The following RGS6 variants were observed in gnomAD, a reference collection of about 807,000 sequenced individuals.
RGS6 encodes regulator of G protein signaling 6.
Under a neutral mutation model 78.5 loss-of-function variants are expected in RGS6, and 30 were observed. The observed-to-expected ratio is 0.38, with a 90% confidence interval of 0.29 to 0.52. The LOEUF (loss-of-function observed/expected upper bound fraction) is 0.52. Among genes scored for constraint, RGS6 ranks in the 20% least tolerant of loss-of-function variants. RGS6 has a pLI of 0.85. For synonymous variants in RGS6, 206 were observed against 206.0 expected (o/e 1.00, Z 0.00); for missense variants, 495 against 609.7 (o/e 0.81, Z 1.98).
At chr14:72,138,707 C>G (rs2096490527) in intron 2 of RGS6, among the ~76,000 whole-genome samples, 1 of 152,022 alleles carries the variant, frequency 6.6e-6, no homozygotes, top group Admixed American at 6.6e-5. Context: ...CCTATCAGAT[C>G]AGCAGCAGCA....
chr14:72,473,991 A>G (rs1868614921), intron 9 of RGS6: 1 of 152,260 alleles, frequency 6.6e-6, no homozygotes, highest in South Asian at 2.1e-4. Context: ...TTGGCACTAA[A>G]TTAGCCCTAA....
At chr14:72,352,229 A>G in intron 3 of RGS6, 35 bp downstream of exon 3, 1 of 1,511,262 alleles carries the variant, frequency 6.6e-7, no homozygotes, top group East Asian at 2.3e-5. Context: ...GGTAACAGTC[A>G]GAACTACCAA....
intron 4 of RGS6, among the ~76,000 whole-genome samples, chr14:72,456,854 G>T (rs1015084833): frequency 1.6e-4 from 24 of 151,894 alleles, no homozygotes; most frequent in Non-Finnish European, 3.2e-4. Flanking sequence ...CAGCTGGGAG[G>T]ACTGCTTGAG....
chr14:72,530,833 C>G (rs1223429493), intron 15 of RGS6, among the ~76,000 whole-genome samples: 1 of 152,238 alleles, frequency 6.6e-6, no homozygotes, highest in Non-Finnish European at 1.5e-5. Context: ...AATCCTCATT[C>G]TCCTTCTGTG....
intron 2 of RGS6, among the ~76,000 whole-genome samples, chr14:72,259,538 G>T (rs1035175180): frequency 1.3e-5 from 2 of 152,234 alleles, no homozygotes; most frequent in African/African-American, 4.8e-5. Flanking sequence ...GTACAATATT[G>T]TTCTACAATA....
intron 6 of RGS6, 150 bp from the exon 7 acceptor site, chr14:72,465,608 G>GGGTA (rs2095884258): frequency 3.4e-6 from 2 of 596,122 alleles, no homozygotes; most frequent in South Asian, 3.9e-5. Context: ...ATGGTTGGGT[G>GGGTA]GATGGGTGGA....
chr14:72,108,386 G>T (rs1444848980), intron 2 of RGS6, among the ~76,000 whole-genome samples: 1 of 151,854 alleles, frequency 6.6e-6, no homozygotes, highest in Admixed American at 6.6e-5. Context: ...CATTTTACTA[G>T]CATATGTCTT....
At chr14:72,049,553 G>A (rs1231904638) in intron 2 of RGS6, among the ~76,000 whole-genome samples, 7 of 152,176 alleles carry the variant, frequency 4.6e-5, no homozygotes, top group Non-Finnish European at 1.0e-4. Flanking sequence ...GAGAAAGAAC[G>A]TGGGTGAGTC....
At chr14:72,124,640 A>G (rs2096142901) in intron 2 of RGS6, among the ~76,000 whole-genome samples, 1 of 152,236 alleles carries the variant, frequency 6.6e-6, no homozygotes, top group East Asian at 1.9e-4. Flanking sequence ...ATAAAAATAG[A>G]AAAGCATTTG....
the RGS6 span, among the ~76,000 whole-genome samples, chr14:72,600,618 A>G: frequency 1.3e-5 from 2 of 151,980 alleles, no homozygotes; most frequent in African/African-American, 4.8e-5. Flanking sequence ...GACAAATTCA[A>G]GGAGCCCTGA....
At chr14:72,167,862 C>G (rs1278648798) in intron 2 of RGS6, among the ~76,000 whole-genome samples, 1 of 152,154 alleles carries the variant, frequency 6.6e-6, no homozygotes, top group Non-Finnish European at 1.5e-5. Context: ...TGAGCAGCCT[C>G]TGTACAGAGG....
At chr14:72,153,614 C>T (rs1431675200) in intron 2 of RGS6, among the ~76,000 whole-genome samples, 1 of 152,160 alleles carries the variant, frequency 6.6e-6, no homozygotes, top group Non-Finnish European at 1.5e-5. Flanking sequence ...AGGAATTTTA[C>T]ACCTGGGCCG....
At chr14:72,354,339 TA>T (rs1263681231) in intron 3 of RGS6, among the ~76,000 whole-genome samples, 4 of 151,712 alleles carry the variant, frequency 2.6e-5, no homozygotes, top group Non-Finnish European at 4.4e-5. Flanking sequence ...GAAAGCTAGA[TA>T]GGGGGCCGGG....
At chr14:72,567,546 C>T (rs143850409), downstream of RGS6, among the ~76,000 whole-genome samples, 37 of 152,314 alleles carry the variant, frequency 2.4e-4, no homozygotes, top group Middle Eastern at 3.4e-3. Flanking sequence ...AAAGCTGTGC[C>T]GGTCCAAGAA....
chr14:72,118,159 A>T (rs1303095652), intron 2 of RGS6, among the ~76,000 whole-genome samples: 1 of 120,720 alleles, frequency 8.3e-6, no homozygotes, highest in Non-Finnish European at 1.7e-5. Flanking sequence ...ACTGCCATTT[A>T]AAAAAAAAAA....
chr14:72,571,396 A>T (rs2097720076), downstream of RGS6, among the ~76,000 whole-genome samples: 1 of 152,224 alleles, frequency 6.6e-6, no homozygotes, highest in Non-Finnish European at 1.5e-5. Flanking sequence ...TGGGCATAAA[A>T]AGTAGAAATA....
intron 2 of RGS6, among the ~76,000 whole-genome samples, chr14:72,200,518 G>A (rs1230751034): frequency 1.3e-5 from 2 of 152,188 alleles, no homozygotes; most frequent in African/African-American, 4.8e-5. Context: ...AGGAAGCTTT[G>A]CCTTCCCTGA....
At chr14:72,466,012 A>G (rs538197513) in intron 7 of RGS6, among the ~76,000 whole-genome samples, 190 bp downstream of exon 7, 1 of 152,246 alleles carries the variant, frequency 6.6e-6, no homozygotes, top group African/African-American at 2.4e-5. Flanking sequence ...GTGTTTTTAC[A>G]TAAATAACTC....
chr14:72,593,913 C>A, the RGS6 span, among the ~76,000 whole-genome samples: 1 of 147,388 alleles, frequency 6.8e-6, no homozygotes, highest in Non-Finnish European at 1.5e-5. Flanking sequence ...ATTTGGTGCA[C>A]CCCCTCATCC....
Sources: gnomAD v4.1 joint callset for allele counts (sites outside exome capture counted in the v4.1 genomes callset) on GRCh38, gnomAD v4.1.1 for gene constraint, MANE v1.5 for transcripts, NCBI Gene and HGNC (gene_info 2026-07-23, HGNC 2026-07-21) for gene names.